The following IMPG1 variants were observed in gnomAD, a reference collection of about 807,000 sequenced individuals.
IMPG1 encodes the protein interphotoreceptor matrix proteoglycan 1.
In IMPG1, 85 loss-of-function variants were observed where a neutral mutation model predicts 92.0. That is an observed-to-expected ratio of 0.92 (90% CI 0.78 to 1.11). The LOEUF (loss-of-function observed/expected upper bound fraction) is 1.11, where lower values mean the gene tolerates loss of function less well. Among genes scored for constraint, IMPG1 ranks in the 50% least tolerant of loss-of-function variants. IMPG1 has a pLI of 0.00. For missense variants in IMPG1, 1,022 were observed against 956.0 expected (o/e 1.07, Z -0.91); for synonymous variants, 367 against 334.1 (o/e 1.10, Z -1.08).
intron 1 of IMPG1, among the ~76,000 whole-genome samples, chr6:76,053,728 GC>G (rs2127596531): frequency 6.6e-6 from 1 of 152,052 alleles, no homozygotes; most frequent in Admixed American, 6.6e-5. Context: ...CTCTAATTTA[GC>G]CCAGCATCTC....
intron 12 of IMPG1, among the ~76,000 whole-genome samples, chr6:75,998,797 A>G (rs1291313616): frequency 6.6e-6 from 1 of 152,196 alleles, no homozygotes; most frequent in Non-Finnish European, 1.5e-5. Flanking sequence ...AGTTGGATAC[A>G]TGTTGTGTGG....
intron 5 of IMPG1, 141 bp downstream of exon 5, chr6:76,025,053 T>G (rs1783499252): frequency 3.0e-6 from 2 of 656,026 alleles, no homozygotes; most frequent in African/African-American, 1.8e-5. Flanking sequence ...TTAAATTATG[T>G]TATAAAGTTA....
intron 12 of IMPG1, among the ~76,000 whole-genome samples, chr6:75,974,390 T>C (rs1562354778): frequency 0.012 from 1,312 of 113,272 alleles, 35 homozygotes; most frequent in East Asian, 0.028. Flanking sequence ...TTTCTTTCTT[T>C]CTTTTCTTTC....
At chr6:75,930,331 G>A (rs913009546) in intron 15 of IMPG1, among the ~76,000 whole-genome samples, 4 of 152,100 alleles carry the variant, frequency 2.6e-5, no homozygotes, top group Non-Finnish European at 4.4e-5. Context: ...ACTATAAAAC[G>A]AGAAAGTCTG....
In IMPG1 at chr6:75,921,943, A is replaced by G; in HGVS notation, c.*146T>C. On this transcript the variant is annotated 3_prime_UTR_variant, in exon 17 of 17. Transcript: ENST00000369950. ...GTTGCCAAGTACATGACTCTTCTATATTTGAAATATGGTGTGTGCTGATTC... is the reference window on the plus strand; with the variant it reads ...GTTGCCAAGTACATGACTCTTCTATGTTTGAAATATGGTGTGTGCTGATTC... The G allele has an allele frequency of 1.8e-6, 1 of 561,826 alleles. No homozygotes were observed. Among genetic ancestry groups the G allele is most frequent in the Non-Finnish European group, 3.2e-6 (1 of 311,852 alleles). 34.8% of individuals were successfully genotyped at this position (561,826 alleles called of 1,614,324 possible).
chr6:75,965,769 A>G (rs556458996), intron 12 of IMPG1, among the ~76,000 whole-genome samples: 6 of 151,940 alleles, frequency 3.9e-5, no homozygotes, highest in South Asian at 4.2e-4. Context: ...CATCACGCCC[A>G]GCTAATTTTT....
At chr6:75,997,941 G>T (rs189371749) in intron 12 of IMPG1, among the ~76,000 whole-genome samples, 6 of 152,124 alleles carry the variant, frequency 3.9e-5, no homozygotes, top group Non-Finnish European at 8.8e-5. Context: ...ATCCTTTTCA[G>T]GGAGCCGTTG....
chr6:75,927,893 G>A (rs1362267518), intron 15 of IMPG1, among the ~76,000 whole-genome samples: 1 of 151,844 alleles, frequency 6.6e-6, no homozygotes, highest in Non-Finnish European at 1.5e-5. Flanking sequence ...ATGCCCCAGA[G>A]ACAGGCACAG....
chr6:76,043,644 C>T (rs896533167), intron 1 of IMPG1, among the ~76,000 whole-genome samples: 26 of 152,286 alleles, frequency 1.7e-4, no homozygotes, highest in African/African-American at 6.3e-4. Context: ...GTAATTTCAA[C>T]ATGCAGGCAG....
chr6:75,945,831 A>G (rs1319623434), intron 14 of IMPG1, among the ~76,000 whole-genome samples: 1 of 152,146 alleles, frequency 6.6e-6, no homozygotes, highest in Non-Finnish European at 1.5e-5. Context: ...CTAAGACACT[A>G]CTTAAGTGGC....
intron 7 of IMPG1, among the ~76,000 whole-genome samples, chr6:76,016,029 C>T (rs1057018031): frequency 2.6e-5 from 4 of 152,054 alleles, no homozygotes; most frequent in Non-Finnish European, 5.9e-5. Context: ...TCAGTTACCT[C>T]TTACAAAAAG....
At chr6:76,024,946 T>C (rs1192972925) in intron 5 of IMPG1, 2 of 552,552 alleles carry the variant, frequency 3.6e-6, no homozygotes, top group African/African-American at 3.7e-5. Flanking sequence ...AAATAGGCAG[T>C]AAATGTTCAT....
At chr6:75,961,103 C>T (rs1033837172) in intron 12 of IMPG1, among the ~76,000 whole-genome samples, 13 of 152,092 alleles carry the variant, frequency 8.5e-5, no homozygotes, top group African/African-American at 3.1e-4. Context: ...CATTAGTAGC[C>T]AGAAGAAGAC....
At chr6:76,024,513 A>G (rs1783488981) in intron 5 of IMPG1, among the ~76,000 whole-genome samples, 1 of 152,194 alleles carries the variant, frequency 6.6e-6, no homozygotes, top group Non-Finnish European at 1.5e-5. Flanking sequence ...TAGAATAAAT[A>G]GTAATATTCA....
At chr6:76,004,244 T>C (rs1783050866) in intron 10 of IMPG1, among the ~76,000 whole-genome samples, 1 of 152,166 alleles carries the variant, frequency 6.6e-6, no homozygotes, top group African/African-American at 2.4e-5. Flanking sequence ...TGGCTAATTA[T>C]CTAAACCATT....
At chr6:76,041,640 T>C (rs1222736327) in intron 2 of IMPG1, among the ~76,000 whole-genome samples, 2 of 152,156 alleles carry the variant, frequency 1.3e-5, no homozygotes, top group Non-Finnish European at 2.9e-5. Context: ...GATGCCAAGG[T>C]TTTCTGGTGA....
intron 1 of IMPG1, among the ~76,000 whole-genome samples, chr6:76,050,236 T>A (rs1784016588): frequency 6.6e-6 from 1 of 151,982 alleles, no homozygotes; most frequent in Non-Finnish European, 1.5e-5. Context: ...GGCCGGGAGT[T>A]CGAGACTAGC....
intron 12 of IMPG1, among the ~76,000 whole-genome samples, chr6:75,993,992 C>A (rs1467847818): frequency 6.6e-6 from 1 of 152,196 alleles, no homozygotes; most frequent in South Asian, 2.1e-4. Context: ...CAAGCCTCTC[C>A]TCCTGGCCTG....
chr6:76,060,318 T>A (rs1784183940), intron 1 of IMPG1, among the ~76,000 whole-genome samples: 1 of 152,218 alleles, frequency 6.6e-6, no homozygotes, highest in Non-Finnish European at 1.5e-5. Flanking sequence ...TTTCATATTC[T>A]TCTTACATTC....
Sources: gnomAD v4.1 joint callset for allele counts (sites outside exome capture counted in the v4.1 genomes callset) on GRCh38, gnomAD v4.1.1 for gene constraint, MANE v1.5 for transcripts, NCBI Gene and HGNC (gene_info 2026-07-23, HGNC 2026-07-21) for gene names.